The following ITPR1 variants were observed in gnomAD, a reference collection of about 807,000 sequenced individuals.
The protein encoded by ITPR1 is inositol 1,4,5-trisphosphate-gated calcium channel ITPR1.
In ITPR1, 96 loss-of-function variants were observed where a neutral mutation model predicts 318.4. The ratio of observed to expected loss-of-function variants is 0.30; its 90% confidence interval spans 0.26 to 0.36. The LOEUF (loss-of-function observed/expected upper bound fraction) is 0.36. Among genes scored for constraint, ITPR1 ranks in the 10% least tolerant of loss-of-function variants. ITPR1 has a pLI of 1.00. For missense variants in ITPR1, 2,440 were observed against 3,460.2 expected, an observed-to-expected ratio of 0.71 and a Z score of 7.40; for synonymous variants, 1,312 against 1,289.9, an observed-to-expected ratio of 1.02 and a Z score of -0.37.
Position 4,685,192 on chromosome 3 carries a change from A to AT in ITPR1, c.3690dup (p.Pro1231SerfsTer3), listed in dbSNP as rs766737009. 1 of 1,603,618 alleles carries AT rather than the reference A, an allele frequency of 6.2e-7. No homozygotes were observed. On this transcript the variant is annotated frameshift_variant, in exon 30 of 62. Coordinates refer to ENST00000649015, the MANE Select transcript of ITPR1 (RefSeq NM_001378452.1). LOFTEE classifies it high-confidence loss of function. Reference sequence around the variant, plus strand: ...CGCCGTGGTGCTGGAGCTGCTGCAGATTCCCTATGAGAAGGTGAGCGGTGC... The same window carrying AT: ...CGCCGTGGTGCTGGAGCTGCTGCAGATTTCCCTATGAGAAGGTGAGCGGTGC...
intron 24 of ITPR1, among the ~76,000 whole-genome samples, chr3:4,677,451 A>G (rs2094207339): frequency 1.3e-5 from 2 of 152,202 alleles, no homozygotes; most frequent in Non-Finnish European, 2.9e-5. Context: ...TCTCCAGTAC[A>G]GTGACATGAT....
intron 4 of ITPR1, among the ~76,000 whole-genome samples, chr3:4,603,198 T>C (rs1575677705): frequency 6.6e-6 from 1 of 151,156 alleles, no homozygotes; most frequent in Admixed American, 6.6e-5. Context: ...TTGTTTTTTT[T>C]ACAGTCAGCT....
chr3:4,752,858 G>A (rs1401625932), intron 44 of ITPR1, among the ~76,000 whole-genome samples: 1 of 152,148 alleles, frequency 6.6e-6, no homozygotes, highest in East Asian at 1.9e-4. Flanking sequence ...ATACACATTG[G>A]CGTCAATACA....
intron 4 of ITPR1, among the ~76,000 whole-genome samples, chr3:4,557,753 G>T (rs2086273189): frequency 6.6e-6 from 1 of 152,112 alleles, no homozygotes; most frequent in Admixed American, 6.5e-5. Context: ...CAAAGTTATA[G>T]TGTAGGGATA....
chr3:4,800,070 T>G (rs2048126235), intron 53 of ITPR1: 1 of 236,164 alleles, frequency 4.2e-6, no homozygotes, highest in African/African-American at 2.3e-5. Context: ...TAGGAAATAG[T>G]GTCCTGTAGG....
chr3:4,818,348 C>G, intron 60 of ITPR1, 106 bp downstream of exon 60: 1 of 879,644 alleles, frequency 1.1e-6, no homozygotes, highest in Non-Finnish European at 1.7e-6. Context: ...GAATAACATC[C>G]GATGTTGCCT....
Position 4,683,796 on chromosome 3 carries a change from G to C in ITPR1, c.3496G>C (p.Glu1166Gln). Residue 1166 changes from glutamate (E) to glutamine (Q), a missense_variant and splice_region_variant, in exon 28 of 62, where the codon GAG (glutamate) becomes CAG (glutamine). Transcript: ENST00000649015. ...TGGAGAAAATGAACATAAGAAAACG[G>C]AGGTGAGTGAAACACAAGTTATGCT... is the stretch of plus-strand genomic sequence containing the variant. ...ASGENEHKKT[E>Q]EGNNKPQKHE... 1.2e-6 allele frequency: 2 copies of C among 1,612,948 alleles called. No individual in the cohort carries two copies. The highest frequency in any genetic ancestry group is 8.5e-7 in the Non-Finnish European group (1 of 1,179,204).
chr3:4,833,457 C>A (rs926271384), intron 60 of ITPR1, among the ~76,000 whole-genome samples: 2 of 152,162 alleles, frequency 1.3e-5, no homozygotes, highest in African/African-American at 4.8e-5. Flanking sequence ...GATTTGAAAG[C>A]CAGATTTTAG....
At chr3:4,825,842 G>C (rs1434051843) in intron 60 of ITPR1, 2 of 456,304 alleles carry the variant, frequency 4.4e-6, no homozygotes, top group Non-Finnish European at 8.8e-6. Context: ...CAAGTGCAGG[G>C]GCTGGTGGGA....
At chr3:4,620,579 C>G (rs1007929004) in intron 4 of ITPR1, among the ~76,000 whole-genome samples, 2 of 152,054 alleles carry the variant, frequency 1.3e-5, no homozygotes, top group Non-Finnish European at 2.9e-5. Flanking sequence ...CAAGCTCCAT[C>G]CCTCCATCCT....
intron 44 of ITPR1, among the ~76,000 whole-genome samples, chr3:4,738,951 C>A (rs1417051199): frequency 6.6e-6 from 1 of 151,836 alleles, no homozygotes; most frequent in Admixed American, 6.6e-5. Context: ...GCTTCTGTGA[C>A]CCCTGGGGGG....
rs2086915669 is a variant in ITPR1, at chr3:4,563,681, ACT to A, written c.163+42594_163+42595del. Among the ~76,000 whole-genome samples, 3 of 151,462 alleles carry A rather than the reference ACT, an allele frequency of 2.0e-5. No individual in the cohort carries two copies. In the South Asian group the frequency reaches 6.3e-4, roughly 32 times the overall value. ...TGTGTTGATGTTCAGTGCTCCCTTT[ACT>A]CTCTCTTTGGCTTCAAGATTGAACG... On this transcript the variant is annotated intron_variant, in intron 4 of 61. Transcript: ENST00000649015.
At chr3:4,667,998 G>A (rs183053010) in intron 18 of ITPR1, among the ~76,000 whole-genome samples, 43 of 152,232 alleles carry the variant, frequency 2.8e-4, no homozygotes, top group Admixed American at 1.2e-3. Context: ...ATGTAGGCAT[G>A]CAATGTGTAA....
intron 4 of ITPR1, among the ~76,000 whole-genome samples, chr3:4,609,021 A>T (rs968132513): frequency 1.5e-5 from 2 of 135,954 alleles, no homozygotes; most frequent in Admixed American, 7.7e-5. Context: ...AAAAAAAAAA[A>T]AAAACAAAAG....
chr3:4,705,511 C>G (rs1243271580), intron 36 of ITPR1, among the ~76,000 whole-genome samples: 1 of 152,220 alleles, frequency 6.6e-6, no homozygotes, highest in African/African-American at 2.4e-5. Flanking sequence ...GTTGTCATGT[C>G]TCTCCAGTCT....
At chr3:4,569,944 A>C (rs1316137021) in intron 4 of ITPR1, among the ~76,000 whole-genome samples, 2 of 152,204 alleles carry the variant, frequency 1.3e-5, no homozygotes, top group Admixed American at 6.5e-5. Flanking sequence ...GTGGGAGTTT[A>C]ACATTTTTAA....
At chr3:4,515,389 G>A (rs1042010853) in intron 2 of ITPR1, among the ~76,000 whole-genome samples, 3 of 152,088 alleles carry the variant, frequency 2.0e-5, no homozygotes, top group African/African-American at 2.4e-5. Flanking sequence ...AGGGGAAGTC[G>A]AGTAAATTGA....
intron 36 of ITPR1, among the ~76,000 whole-genome samples, chr3:4,703,956 A>G (rs1029166514): frequency 1.3e-5 from 2 of 152,174 alleles, no homozygotes; most frequent in African/African-American, 4.8e-5. Context: ...TACTTTTTCC[A>G]TACAGGATTA....
At chr3:4,809,954 AC>A (rs2048831097) in intron 55 of ITPR1, among the ~76,000 whole-genome samples, 2 of 152,162 alleles carry the variant, frequency 1.3e-5, no homozygotes, top group Admixed American at 6.5e-5. Flanking sequence ...ATCCTACTCT[AC>A]CCAATGCCCT....
Sources: allele counts gnomAD v4.1 joint callset (sites outside exome capture counted in the v4.1 genomes callset), GRCh38; gene constraint gnomAD v4.1.1; transcripts MANE v1.5; gene names NCBI Gene and HGNC (gene_info 2026-07-23, HGNC 2026-07-21).